Variants in CTSH observed in about 807,000 individuals in gnomAD.
The protein encoded by CTSH is cathepsin H, also known as pro-cathepsin H.
CTSH carries 52 observed loss-of-function variants against 56.3 expected under a neutral mutation model. The ratio of observed to expected loss-of-function variants is 0.92; its 90% CI spans 0.74 to 1.16. The LOEUF (loss-of-function observed/expected upper bound fraction) is 1.16, where lower values mean the gene tolerates loss of function less well. Among genes scored for constraint, CTSH ranks in the 50% most tolerant of loss-of-function variants. The pLI is 0.00. For synonymous variants in CTSH, 174 were observed against 155.7 expected, an observed-to-expected ratio of 1.12 and a Z score of -0.88; for missense variants, 406 against 424.5, an observed-to-expected ratio of 0.96 and a Z score of 0.38.
At chr15:78,923,708 G>C (rs2054829320) in intron 10 of CTSH, among the ~76,000 whole-genome samples, 1 of 152,156 alleles carries the variant, frequency 6.6e-6, no homozygotes, top group Non-Finnish European at 1.5e-5. Context: ...CCACCTTCCT[G>C]CTGCACCTTC....
intron 1 of CTSH, among the ~76,000 whole-genome samples, chr15:78,942,588 G>C (rs1250941541): frequency 1.3e-5 from 2 of 152,176 alleles, no homozygotes; most frequent in African/African-American, 4.8e-5. Context: ...CAGTTTCCTT[G>C]AGGAATTGAG....
chr15:78,935,126 C>G (rs2055148505), intron 4 of CTSH, 44 bp from the exon 5 acceptor site: 1 of 1,314,144 alleles, frequency 7.6e-7, no homozygotes, highest in Non-Finnish European at 1.1e-6. Flanking sequence ...TAAACAAAAC[C>G]AAAAACCTTT....
chr15:78,937,856 A>C (rs2055209173), intron 2 of CTSH: 1 of 1,239,274 alleles, frequency 8.1e-7, no homozygotes. Flanking sequence ...TTTTATTGAT[A>C]TATAACTGAT....
chr15:78,939,227 T>G, intron 1 of CTSH, 56 bp from the exon 2 acceptor site: 1 of 1,421,336 alleles, frequency 7.0e-7, no homozygotes, highest in Non-Finnish European at 9.7e-7. Flanking sequence ...GTTGAGTCTA[T>G]AGCAAAGTAG....
In CTSH at chr15:78,931,481, G is replaced by A. The variant is rs112017116; in HGVS notation, c.518C>T (p.Ala173Val). Residue 173 changes from alanine to valine, a missense_variant, in exon 7 of 12, where the codon GCC (alanine) becomes GTC (valine). Ala to Val is a moderately conservative substitution (Grantham distance 64). Transcript: ENST00000220166. ...SLAEQQLVDCAQDFNNHGCQG... is the reference protein window; with the variant it reads ...SLAEQQLVDCVQDFNNHGCQG... ...GCAGCCGTGATTATTGAAGTCCTGG[G>A]CGCAGTCCACCAGCTGCTGTTCCGC... The A allele has an allele frequency of 5.0e-5, 80 of 1,614,182 alleles. 1 individual carries two copies. The highest frequency in any genetic ancestry group is 2.0e-4 in the African/African-American group (15 of 75,044).
intron 10 of CTSH, 66 bp downstream of exon 10, chr15:78,925,268 G>T: frequency 1.0e-5 from 10 of 994,450 alleles, no homozygotes; most frequent in South Asian, 2.6e-5. Flanking sequence ...TCCCACGAGT[G>T]GGGTGTGAGG....
chr15:78,926,319 C>T (rs1567350718), intron 9 of CTSH: 1 of 152,478 alleles, frequency 6.6e-6, no homozygotes, highest in African/African-American at 2.4e-5. Context: ...GAGTGCCCTC[C>T]TTCCTGGTAT....
In CTSH at chr15:78,944,931, G is replaced by T. The variant is rs902098745; in HGVS notation, c.51C>A (p.Val17=). 1.9e-6 allele frequency: 3 copies of T among 1,548,638 alleles called. No individual in the cohort carries two copies. Among genetic ancestry groups the T allele is most frequent in the East Asian group, 2.4e-5 (1 of 40,840 alleles). The change falls in exon 1 of 12, where the codon GTC becomes GTA. Residue 17 remains valine (V), a synonymous_variant. Coordinates refer to ENST00000220166, the MANE Select transcript of CTSH (RefSeq NM_004390.5). ...LLCAGAWLLG[V]PVCGAAELCV... ...ACAGTTCGGCGGCACCGCAGACGGG[G>T]ACTCCCAGGAGCCAGGCCCCGGCGC... is the stretch of plus-strand genomic sequence containing the variant.
In CTSH at chr15:78,924,204, A is replaced by G. The variant is rs113851272; in HGVS notation, c.807-1086T>C. Among the ~76,000 whole-genome samples, 425 of 151,140 alleles carry G rather than the reference A, an allele frequency of 2.8e-3. 5 individuals carry two copies. Among genetic ancestry groups the G allele is most frequent in the African/African-American group, 9.4e-3 (386 of 41,038 alleles). ...TCTGCGTGGCTGGGGTGGGGGCTGC[A>G]GGGTGGAACGGCGGGGACGGGTTTG... On this transcript the variant is annotated intron_variant, in intron 10 of 11. Coordinates refer to ENST00000220166, the MANE Select transcript of CTSH (RefSeq NM_004390.5).
chr15:78,928,751 C>T (rs952709120), intron 8 of CTSH, among the ~76,000 whole-genome samples: 4 of 151,760 alleles, frequency 2.6e-5, no homozygotes, highest in Admixed American at 6.6e-5. Context: ...ATGGAGGCCC[C>T]GGTCTGAGTG....
Position 78,944,964 on chromosome 15 carries a change from C to G in CTSH, c.18G>C (p.Pro6=). The G allele has an allele frequency of 3.9e-6, 6 of 1,545,304 alleles. No individual in the cohort carries two copies. The South Asian group carries it at 7.2e-5, about 18-fold the overall frequency. MWATL[P]LLCAGAWLLG... ...GGAGCCAGGCCCCGGCGCAGAGCAG[C>G]GGCAGCGTGGCCCACATCGCAGCGC... The change falls in exon 1 of 12, where the codon CCG becomes CCC. Residue 6 remains proline, a synonymous_variant. Coordinates refer to ENST00000220166, the MANE Select transcript of CTSH (RefSeq NM_004390.5).
chr15:78,939,148 TC>T lies in CTSH; in HGVS notation c.114del (p.Trp38Ter). On this transcript the variant is annotated frameshift_variant, in exon 2 of 12. Coordinates refer to ENST00000220166, the MANE Select transcript of CTSH (RefSeq NM_004390.5). LOFTEE classifies it high-confidence loss of function. The stretch of plus-strand genomic sequence containing the variant: ...AGAAGTTGGGCACTGACCTTAGACA[TC>T]CATGACTTGAAGTGAAACTTCTCTG... ...NSLEKFHFKS[W>X]MSKHRKTYST... 1 of 1,596,892 alleles carries T rather than the reference TC, an allele frequency of 6.3e-7. No individual in the cohort carries two copies. Among genetic ancestry groups the T allele is most frequent in the Non-Finnish European group, 8.5e-7 (1 of 1,174,290 alleles).
intron 10 of CTSH, 63 bp downstream of exon 10, chr15:78,925,271 G>A: frequency 1.9e-6 from 2 of 1,028,976 alleles, no homozygotes; most frequent in South Asian, 1.3e-5. Flanking sequence ...CACGAGTGGG[G>A]TGTGAGGAGG....
intron 6 of CTSH, 53 bp downstream of exon 6, chr15:78,932,319 C>T (rs1291224731): frequency 6.6e-7 from 1 of 1,519,980 alleles, no homozygotes; most frequent in African/African-American, 1.4e-5. Flanking sequence ...AGGCCTGGCC[C>T]ACATCAGGAT....
At chr15:78,938,166 C>G (rs1432945549) in intron 2 of CTSH, among the ~76,000 whole-genome samples, 2 of 152,126 alleles carry the variant, frequency 1.3e-5, no homozygotes, top group Non-Finnish European at 2.9e-5. Context: ...GTCAGGAGTT[C>G]AAGACCCACC....
intron 7 of CTSH, among the ~76,000 whole-genome samples, chr15:78,930,590 C>T (rs2055033969): frequency 1.3e-5 from 2 of 151,864 alleles, no homozygotes; most frequent in South Asian, 4.2e-4. Context: ...AACGGTGGGA[C>T]CCCAGAGTGC....
chr15:78,937,524 C>G (rs1209088003), intron 2 of CTSH, 101 bp from the exon 3 acceptor site: 6 of 1,366,382 alleles, frequency 4.4e-6, no homozygotes, highest in African/African-American at 1.5e-5. Context: ...GGTTTTCTTT[C>G]TGCTATGATT....
intron 5 of CTSH, among the ~76,000 whole-genome samples, chr15:78,933,984 C>T (rs1320165894): frequency 1.3e-5 from 2 of 152,206 alleles, no homozygotes; most frequent in Non-Finnish European, 2.9e-5. Context: ...TGGTGGGCCT[C>T]TCTTTCCCAC....
At chr15:78,939,204 G>T in intron 1 of CTSH, 33 bp from the exon 2 acceptor site, 1 of 1,561,182 alleles carries the variant, frequency 6.4e-7, no homozygotes, top group Non-Finnish European at 8.7e-7. Flanking sequence ...AGGTCTGGGC[G>T]CATCACAGTA....
Sources: gnomAD v4.1 joint callset for allele counts (sites outside exome capture counted in the v4.1 genomes callset) on GRCh38, gnomAD v4.1.1 for gene constraint, MANE v1.5 for transcripts, NCBI Gene and HGNC (gene_info 2026-07-23, HGNC 2026-07-21) for gene names.